Variants in RNGTT observed in about 807,000 individuals in gnomAD.
The protein encoded by RNGTT is RNA guanylyltransferase and 5'-phosphatase, also known as mRNA-capping enzyme.
Under a neutral mutation model 79.3 loss-of-function variants are expected in RNGTT, and 33 were observed. The observed-to-expected ratio is 0.42, with a 90% confidence interval of 0.32 to 0.56. RNGTT has a LOEUF of 0.56. RNGTT is among the 20% of genes least tolerant of loss of function. The pLI is 0.17. For synonymous variants in RNGTT, 222 were observed against 235.9 expected (o/e 0.94, Z 0.54); for missense variants, 497 against 739.1 (o/e 0.67, Z 3.80).
At chr6:88,956,386 A>C (rs532538322) in intron 1 of RNGTT, among the ~76,000 whole-genome samples, 1 of 152,112 alleles carries the variant, frequency 6.6e-6, no homozygotes, top group South Asian at 2.1e-4. Flanking sequence ...GTCCAAGAAA[A>C]CAAAAATAAA....
At chr6:88,836,560 G>C (rs768394228) in intron 11 of RNGTT, among the ~76,000 whole-genome samples, 3 of 151,958 alleles carry the variant, frequency 2.0e-5, no homozygotes, top group Non-Finnish European at 4.4e-5. Context: ...AGGGGAACAC[G>C]GTGAAACCCC....
Position 88,929,256 on chromosome 6 carries a change from G to T in RNGTT, c.186C>A (p.Gly62=). 2 of 1,573,594 alleles carry T rather than the reference G, an allele frequency of 1.3e-6. No homozygotes were observed. The highest frequency in any genetic ancestry group is 1.4e-5 in the African/African-American group (1 of 71,924). ...NYLKSLKVKM[G]LLVDLTNTSR... ...AAGTATTTGTCAGGTCCACCAACAA[G>T]CCCATTTTAACCTAAAAAAAAAAAA... Residue 62 remains glycine, a synonymous_variant, in exon 3 of 16, where the codon GGC becomes GGA. Coordinates refer to ENST00000369485, the MANE Select transcript of RNGTT (RefSeq NM_003800.5).
chr6:88,740,633 C>A (rs1268380694), intron 13 of RNGTT, among the ~76,000 whole-genome samples: 2 of 151,990 alleles, frequency 1.3e-5, no homozygotes, highest in East Asian at 3.9e-4. Flanking sequence ...AAGCTGGAAG[C>A]CATCACCCTC....
At chr6:88,814,193 C>T (rs1780239411) in intron 11 of RNGTT, among the ~76,000 whole-genome samples, 1 of 152,138 alleles carries the variant, frequency 6.6e-6, no homozygotes, top group Non-Finnish European at 1.5e-5. Flanking sequence ...CTAAAGTCAT[C>T]TCTCATAAGT....
chr6:88,813,572 T>C (rs956558405), intron 11 of RNGTT, among the ~76,000 whole-genome samples: 1 of 152,200 alleles, frequency 6.6e-6, no homozygotes, highest in Non-Finnish European at 1.5e-5. Flanking sequence ...CGGTAACATT[T>C]TTAGCCTCAT....
chr6:88,853,760 T>A lies in RNGTT; in HGVS notation c.901A>T (p.Met301Leu). ...TCATTTGTGCCATCAATCAACATCA[T>A]GTACCTGTAAATGAAACATTAAAAA... ...VSWKADGTRY[M>L]MLIDGTNEVF... is the part of the protein sequence containing the mutation. The change falls in exon 9 of 16, where the codon ATG becomes TTG. Residue 301 changes from methionine to leucine, a missense_variant. By Grantham distance (15) the Met-to-Leu change is conservative. Coordinates refer to ENST00000369485, the MANE Select transcript of RNGTT (RefSeq NM_003800.5). 1 of 1,537,232 alleles carries A rather than the reference T, an allele frequency of 6.5e-7. No homozygotes were observed. Among genetic ancestry groups the A allele is most frequent in the Non-Finnish European group, 8.9e-7 (1 of 1,126,678 alleles).
At chr6:88,878,581 T>C (rs955732448) in intron 8 of RNGTT, among the ~76,000 whole-genome samples, 1 of 152,188 alleles carries the variant, frequency 6.6e-6, no homozygotes, top group African/African-American at 2.4e-5. Context: ...GACATAACTT[T>C]ATTTACTGCT....
chr6:88,667,974 G>C lies in RNGTT; in HGVS notation c.1506+10379C>G, dbSNP rs370535976. On this transcript the variant is annotated intron_variant, in intron 14 of 15. Coordinates refer to ENST00000369485, the MANE Select transcript of RNGTT (RefSeq NM_003800.5). ...TCCCCTTATGAGATATTGTATCATA[G>C]ACCCCCTCCCATATTACGAGGACTT... is the stretch of plus-strand genomic sequence containing the variant. 2.1e-4 allele frequency among the ~76,000 whole-genome samples: 32 copies of C among 152,226 alleles called. No individual in the cohort carries two copies. The East Asian group carries it at 3.9e-3, about 18-fold the overall frequency.
intron 13 of RNGTT, among the ~76,000 whole-genome samples, chr6:88,761,326 T>C (rs539488160): frequency 4.0e-5 from 6 of 151,460 alleles, no homozygotes; most frequent in Non-Finnish European, 7.4e-5. Flanking sequence ...CCCACCCCTA[T>C]TAAAATTATA....
chr6:88,769,441 T>C (rs1029818341), intron 13 of RNGTT, among the ~76,000 whole-genome samples: 5 of 152,150 alleles, frequency 3.3e-5, no homozygotes, highest in Non-Finnish European at 7.4e-5. Context: ...ATTACAGGCA[T>C]GAGCCACCAC....
intron 5 of RNGTT, 84 bp from the exon 6 acceptor site, chr6:88,905,039 C>A: frequency 6.6e-7 from 1 of 1,512,502 alleles, no homozygotes; most frequent in South Asian, 1.3e-5. Flanking sequence ...ATATTCAAGG[C>A]TCCATATAAA....
At chr6:88,747,272 T>C (rs564959825) in intron 13 of RNGTT, among the ~76,000 whole-genome samples, 2 of 152,212 alleles carry the variant, frequency 1.3e-5, no homozygotes, top group Non-Finnish European at 2.9e-5. Context: ...ACATACATCA[T>C]ATAAATCTCA....
intron 12 of RNGTT, among the ~76,000 whole-genome samples, chr6:88,773,401 C>T (rs1778763447): frequency 6.7e-6 from 1 of 148,476 alleles, no homozygotes; most frequent in Non-Finnish European, 1.5e-5. Context: ...AGCGCACCAG[C>T]ATGGCACATG....
intron 13 of RNGTT, among the ~76,000 whole-genome samples, chr6:88,708,158 C>A (rs927299377): frequency 6.6e-6 from 1 of 151,842 alleles, no homozygotes; most frequent in African/African-American, 2.4e-5. Flanking sequence ...TTTTCCTGGA[C>A]CAGGTAGGAG....
At chr6:88,628,449 G>T (rs1449869673) in intron 14 of RNGTT, among the ~76,000 whole-genome samples, 2 of 152,138 alleles carry the variant, frequency 1.3e-5, no homozygotes, top group Non-Finnish European at 2.9e-5. Flanking sequence ...TGGTGTGTAT[G>T]TGTGAACATT....
Position 88,891,877 on chromosome 6 carries a change from T to C in RNGTT, c.723A>G (p.Val241=), listed in dbSNP as rs1432279220. 3 of 1,603,038 alleles carry C rather than the reference T, an allele frequency of 1.9e-6. No homozygotes were observed. Among genetic ancestry groups the C allele is most frequent in the Non-Finnish European group, 2.6e-6 (3 of 1,174,692 alleles). Residue 241 remains valine, a synonymous_variant, in exon 7 of 16, where the codon GTA becomes GTG. Coordinates refer to ENST00000369485, the MANE Select transcript of RNGTT (RefSeq NM_003800.5). ...ACTTTGGTTGTGTTGTTACTTGAGT[T>C]ACACCTTTAACAGTAACACCTTCCA... is the stretch of plus-strand genomic sequence containing the variant. ...IFLEGVTVKG[V]TQVTTQPKLG... is the part of the protein sequence containing the mutation.
chr6:88,630,849 C>T (rs1164550298), intron 14 of RNGTT, among the ~76,000 whole-genome samples: 1 of 151,890 alleles, frequency 6.6e-6, no homozygotes, highest in Admixed American at 6.6e-5. Flanking sequence ...CAAAACCCAA[C>T]AATGAGAACA....
intron 11 of RNGTT, among the ~76,000 whole-genome samples, chr6:88,823,313 G>A (rs1302064530): frequency 2.0e-5 from 3 of 152,082 alleles, no homozygotes; most frequent in Non-Finnish European, 4.4e-5. Context: ...GTGCCTGTAA[G>A]TAATCCCAGC....
At chr6:88,917,439 T>C (rs903973858) in intron 4 of RNGTT, among the ~76,000 whole-genome samples, 7 of 152,124 alleles carry the variant, frequency 4.6e-5, no homozygotes, top group African/African-American at 1.7e-4. Context: ...GGCTAGAATA[T>C]GAGCTGTGGT....
Sources: allele counts gnomAD v4.1 joint callset (sites outside exome capture counted in the v4.1 genomes callset), GRCh38; gene constraint gnomAD v4.1.1; transcripts MANE v1.5; gene names NCBI Gene and HGNC (gene_info 2026-07-23, HGNC 2026-07-21).